The following ALOX5 variants were observed in gnomAD, a reference collection of about 807,000 sequenced individuals.
The protein encoded by ALOX5 is arachidonate 5-lipoxygenase, also known as polyunsaturated fatty acid 5-lipoxygenase.
Under a neutral mutation model 87.9 loss-of-function variants are expected in ALOX5, and 64 were observed. That is an observed-to-expected ratio of 0.73 (90% confidence interval 0.60 to 0.90). The LOEUF (loss-of-function observed/expected upper bound fraction) is 0.90. Among genes scored for constraint, ALOX5 ranks in the 40% least tolerant of loss-of-function variants. The probability of loss-of-function intolerance (pLI) is 0.00; values close to 1 mark genes in which losing one functional copy is unlikely to be tolerated. For missense variants in ALOX5, 822 were observed against 907.5 expected (o/e 0.91, Z 1.21); for synonymous variants, 388 against 355.1 (o/e 1.09, Z -1.04).
intron 4 of ALOX5, among the ~76,000 whole-genome samples, chr10:45,420,493 C>T (rs2099171): frequency 0.65 from 98,552 of 152,232 alleles, 32,534 homozygotes; most frequent in East Asian, 0.79. Context: ...GTATAGCTTG[C>T]GTCAGAATCC....
intron 7 of ALOX5, among the ~76,000 whole-genome samples, chr10:45,436,506 A>T (rs1842064919): frequency 6.6e-6 from 1 of 152,096 alleles, no homozygotes; most frequent in East Asian, 1.9e-4. Context: ...ATTGAATAGG[A>T]TGTCCTTTCC....
chr10:45,431,541 C>CTAT (rs1442641549), intron 7 of ALOX5, among the ~76,000 whole-genome samples: 1 of 150,288 alleles, frequency 6.7e-6, no homozygotes, highest in African/African-American at 2.5e-5. Context: ...TAAGGAAAAA[C>CTAT]TATAAAGTTA....
In ALOX5 at chr10:45,415,263, G is replaced by T. The variant is rs903298670; in HGVS notation, c.554+2950G>T. 1.3e-5 allele frequency among the ~76,000 whole-genome samples: 2 copies of T among 152,160 alleles called. 1 individual carries two copies. Among genetic ancestry groups the T allele is most frequent in the South Asian group, 4.1e-4 (2 of 4,834 alleles). ...TGGAATACTATGCAGCCATAAAAAA[G>T]GATGAGTTAATGTCCTTTGCAGGGA... On this transcript the variant is annotated intron_variant, in intron 4 of 13. Coordinates refer to ENST00000374391, the MANE Select transcript of ALOX5 (RefSeq NM_000698.5).
At chr10:45,433,100 A>C (rs1259746984) in intron 7 of ALOX5, among the ~76,000 whole-genome samples, 1 of 152,288 alleles carries the variant, frequency 6.6e-6, no homozygotes, top group Non-Finnish European at 1.5e-5. Context: ...GAAAGTTAAC[A>C]ATGAGATATC....
chr10:45,395,357 CA>C (rs1315831737), intron 2 of ALOX5, among the ~76,000 whole-genome samples: 1 of 151,410 alleles, frequency 6.6e-6, no homozygotes, highest in Admixed American at 6.6e-5. Context: ...ATCGCAAGGA[CA>C]AAAAAACAAA....
chr10:45,430,125 G>C (rs1226644379), intron 7 of ALOX5, among the ~76,000 whole-genome samples: 2 of 152,152 alleles, frequency 1.3e-5, no homozygotes, highest in Admixed American at 6.5e-5. Context: ...GGAGATCCCC[G>C]GAGATCCCAG....
chr10:45,419,485 G>A (rs1841425282), intron 4 of ALOX5, among the ~76,000 whole-genome samples: 1 of 152,186 alleles, frequency 6.6e-6, no homozygotes, highest in Non-Finnish European at 1.5e-5. Flanking sequence ...TGGGCTCTGA[G>A]GGCAGCCACT....
At chr10:45,411,459 AAC>A (rs1221498574) in intron 3 of ALOX5, among the ~76,000 whole-genome samples, 1 of 152,234 alleles carries the variant, frequency 6.6e-6, no homozygotes, top group Non-Finnish European at 1.5e-5. Context: ...TCAATAAGTA[AAC>A]AAAAAAGCAA....
In ALOX5 at chr10:45,428,750, C is replaced by T. The variant is rs1319959255; in HGVS notation, c.967C>T (p.Pro323Ser). 2 of 1,613,958 alleles carry T rather than the reference C, an allele frequency of 1.2e-6. No homozygotes were observed. Among genetic ancestry groups the T allele is most frequent in the African/African-American group, 1.3e-5 (1 of 75,008 alleles). The change falls in exon 7 of 14, where the codon CCC (proline) becomes TCC (serine). Residue 323 changes from proline to serine, a missense_variant. Physicochemically the swap from Pro to Ser is moderately conservative, Grantham distance 74. Transcript: ENST00000374391. ...TAAGAACCTGGCCAACAAGATTGTC[C>T]CCATTGCCATCCAGGTAGGCTGCTG... ...LYKNLANKIV[P>S]IAIQLNQIPG...
chr10:45,391,823 C>T (rs561853326), intron 2 of ALOX5, among the ~76,000 whole-genome samples: 102 of 151,244 alleles, frequency 6.7e-4, no homozygotes, highest in Non-Finnish European at 9.0e-4. Flanking sequence ...GCCCGGCAGC[C>T]GCCCCATCTG....
rs1382998842 is a variant in ALOX5, at chr10:45,425,863, G to A, written c.834+731G>A. ...GCCTCTGCTGCTTCCAGTCTTTTGA[G>A]CTCAGCTTACCCTGAGGCCCTAGTT... On this transcript the variant is annotated intron_variant, in intron 6 of 13. Transcript: ENST00000374391. This position sits in a 1 kb window ranked among gnomAD's most constrained non-coding sequence, Gnocchi z 4.4. 6.6e-6 allele frequency among the ~76,000 whole-genome samples: 1 copy of A among 152,210 alleles called. No homozygotes were observed. Among genetic ancestry groups the A allele is most frequent in the Non-Finnish European group, 1.5e-5 (1 of 68,036 alleles).
chr10:45,433,380 G>A (rs1349604056), intron 7 of ALOX5, among the ~76,000 whole-genome samples: 1 of 152,212 alleles, frequency 6.6e-6, no homozygotes, highest in Non-Finnish European at 1.5e-5. Flanking sequence ...CTGTCGTGGC[G>A]AGGACAGTTG....
At position 45,410,076 on chromosome 10, in the gene ALOX5, G is replaced by A. The variant is rs74130818; in HGVS notation, c.432-2115G>A. 4.1e-3 allele frequency among the ~76,000 whole-genome samples: 627 copies of A among 152,384 alleles called. 6 individuals carry two copies. Among genetic ancestry groups the A allele is most frequent in the African/African-American group, 0.014 (598 of 41,592 alleles). ...ATTAATGCCATTTGCTGGCACAGAT[G>A]CCCTTGCATGGCTCATTGTTTACAT... On this transcript the variant is annotated intron_variant, in intron 3 of 13. Coordinates refer to ENST00000374391, the MANE Select transcript of ALOX5 (RefSeq NM_000698.5).
At chr10:45,393,254 C>T (rs962656734) in intron 2 of ALOX5, among the ~76,000 whole-genome samples, 7 of 152,286 alleles carry the variant, frequency 4.6e-5, no homozygotes, top group Admixed American at 1.3e-4. Flanking sequence ...GCTTATCCAC[C>T]AGGATCAAGT....
At chr10:45,377,280 C>A (rs1485632027) in intron 1 of ALOX5, among the ~76,000 whole-genome samples, 1 of 152,036 alleles carries the variant, frequency 6.6e-6, no homozygotes, top group Non-Finnish European at 1.5e-5. Flanking sequence ...TGGTATGACC[C>A]TCAATCCGTC....
chr10:45,419,538 C>A (rs1270408167), intron 4 of ALOX5, among the ~76,000 whole-genome samples: 1 of 152,242 alleles, frequency 6.6e-6, no homozygotes, highest in Non-Finnish European at 1.5e-5. Flanking sequence ...CCACATGCCC[C>A]GTGCTCCAGA....
At chr10:45,443,896 T>A in intron 12 of ALOX5, 68 bp downstream of exon 12, 1 of 1,512,626 alleles carries the variant, frequency 6.6e-7, no homozygotes, top group Non-Finnish European at 8.9e-7. Context: ...CCCGCCCCGG[T>A]TCTGCACGCG....
intron 7 of ALOX5, among the ~76,000 whole-genome samples, chr10:45,438,710 C>T (rs535207050): frequency 3.9e-4 from 60 of 152,326 alleles, no homozygotes; most frequent in African/African-American, 1.3e-3. Flanking sequence ...GGGACAAGAG[C>T]GTAGTTCTGT....
At chr10:45,443,908 A>G in intron 12 of ALOX5, 80 bp downstream of exon 12, 1 of 1,491,118 alleles carries the variant, frequency 6.7e-7, no homozygotes, top group Non-Finnish European at 9.1e-7. Context: ...CTGCACGCGT[A>G]CTGCACCCTC....
Sources: allele counts gnomAD v4.1 joint callset (sites outside exome capture counted in the v4.1 genomes callset), GRCh38; gene constraint gnomAD v4.1.1; non-coding constraint Gnocchi (gnomAD v3.1); transcripts MANE v1.5; gene names NCBI Gene and HGNC (gene_info 2026-07-23, HGNC 2026-07-21).